The following STRN variants were observed in gnomAD, a reference collection of about 807,000 sequenced individuals.
STRN encodes the protein protein phosphatase 2 regulatory subunit B'''alpha.
In STRN, 53 loss-of-function variants were observed where a neutral mutation model predicts 96.3. The ratio of observed to expected loss-of-function variants is 0.55; its 90% CI spans 0.44 to 0.69. The LOEUF is 0.69. STRN is among the 30% of genes least tolerant of loss of function. The pLI is 0.00. For synonymous variants in STRN, 428 were observed against 355.9 expected, an observed-to-expected ratio of 1.20 and a Z score of -2.28; for missense variants, 987 against 963.9, an observed-to-expected ratio of 1.02 and a Z score of -0.32.
rs1667946345 is a variant in STRN, at chr2:36,841,335, A to G, written c.*8121T>C. 1 of 152,154 alleles carries G rather than the reference A, an allele frequency of 6.6e-6. No individual in the cohort carries two copies. The highest frequency in any genetic ancestry group is 1.5e-5 in the Non-Finnish European group (1 of 68,032). The allele number at this position is 152,154 out of a possible 1,614,324, so 9.4% of individuals were successfully genotyped here. ...AACTGAACAAATACCAGGCAGCAAA[A>G]TACTGAGACATTTACCACATAAGAA... On this transcript the variant is annotated 3_prime_UTR_variant, in exon 18 of 18. Transcript: ENST00000263918.
At chr2:36,955,563 C>G (rs1048147820) in intron 1 of STRN, among the ~76,000 whole-genome samples, 10 of 152,188 alleles carry the variant, frequency 6.6e-5, no homozygotes, top group African/African-American at 2.2e-4. Context: ...CCCCTCTCCT[C>G]CCTTCTTCTG....
intron 2 of STRN, among the ~76,000 whole-genome samples, chr2:36,920,094 G>A (rs1200326149): frequency 4.0e-5 from 6 of 151,470 alleles, no homozygotes; most frequent in Non-Finnish European, 8.8e-5. Flanking sequence ...TGAATTACAA[G>A]GTATCTGGAA....
chr2:36,863,926 T>C (rs989103824), intron 12 of STRN, among the ~76,000 whole-genome samples: 1 of 152,228 alleles, frequency 6.6e-6, no homozygotes, highest in African/African-American at 2.4e-5. Flanking sequence ...CTACTGTAAA[T>C]GAGACTGCAT....
At chr2:36,883,535 C>T (rs925587090) in intron 9 of STRN, among the ~76,000 whole-genome samples, 1 of 152,150 alleles carries the variant, frequency 6.6e-6, no homozygotes, top group Non-Finnish European at 1.5e-5. Flanking sequence ...TGTGACTAGA[C>T]TTTTAGGTGA....
At chr2:36,941,001 A>G (rs1329924532) in intron 1 of STRN, among the ~76,000 whole-genome samples, 1 of 152,150 alleles carries the variant, frequency 6.6e-6, no homozygotes, top group African/African-American at 2.4e-5. Flanking sequence ...AAAAATACAA[A>G]AATTAGCTGA....
chr2:36,899,975 G>A (rs763184197), intron 5 of STRN, among the ~76,000 whole-genome samples: 11 of 152,034 alleles, frequency 7.2e-5, no homozygotes, highest in East Asian at 3.9e-4. Context: ...TCCAGTCTCC[G>A]CCTCCCAGGT....
chr2:36,879,063 T>C (rs997948769), intron 9 of STRN, among the ~76,000 whole-genome samples: 21 of 150,762 alleles, frequency 1.4e-4, no homozygotes, highest in African/African-American at 4.9e-4. Flanking sequence ...AAGAAAATGT[T>C]TTGTTTATTT....
chr2:36,953,617 T>C (rs1204841404), intron 1 of STRN, among the ~76,000 whole-genome samples: 1 of 152,172 alleles, frequency 6.6e-6, no homozygotes, highest in Non-Finnish European at 1.5e-5. Flanking sequence ...TTAGCCAGGA[T>C]GGTCTCGATC....
At chr2:36,873,844 G>C (rs1370113235) in intron 10 of STRN, among the ~76,000 whole-genome samples, 1 of 151,718 alleles carries the variant, frequency 6.6e-6, no homozygotes, top group Non-Finnish European at 1.5e-5. Flanking sequence ...CCGAGAGGCT[G>C]AGGCAGGAGA....
At chr2:36,956,100 C>T (rs1169382421) in intron 1 of STRN, among the ~76,000 whole-genome samples, 1 of 152,112 alleles carries the variant, frequency 6.6e-6, no homozygotes, top group Non-Finnish European at 1.5e-5. Context: ...ATTAGGGATG[C>T]TCAACCTGTA....
At chr2:36,944,933 T>C (rs932656620) in intron 1 of STRN, among the ~76,000 whole-genome samples, 1 of 152,194 alleles carries the variant, frequency 6.6e-6, no homozygotes, top group Non-Finnish European at 1.5e-5. Context: ...CAATATGGGA[T>C]CACATACTGC....
Position 36,953,078 on chromosome 2 carries a change from A to G in STRN, c.234+13152T>C, listed in dbSNP as rs564277368. Among the ~76,000 whole-genome samples the G allele has an allele frequency of 7.2e-5, 11 of 152,330 alleles. No homozygotes were observed. In the South Asian group the frequency reaches 1.9e-3, roughly 26 times the overall value. On this transcript the variant is annotated intron_variant, in intron 1 of 17. Transcript: ENST00000263918. ...CAGTATTGGATCTGATTTCTCTCAC[A>G]TTCAAATGAATGCTAATGAAACCTG...
chr2:36,964,164 G>C (rs1665095597), intron 1 of STRN, among the ~76,000 whole-genome samples: 1 of 135,182 alleles, frequency 7.4e-6, no homozygotes, highest in African/African-American at 2.9e-5. Flanking sequence ...TAAACGAGGA[G>C]AGGGAGTGAA....
chr2:36,896,368 CA>C (rs1207275224), intron 6 of STRN, among the ~76,000 whole-genome samples: 2 of 152,098 alleles, frequency 1.3e-5, no homozygotes, highest in East Asian at 3.9e-4. Context: ...ATAAATAAAC[CA>C]AAAGTCCTCT....
At chr2:36,901,638 A>T (rs1217149503) in intron 5 of STRN, among the ~76,000 whole-genome samples, 1 of 152,148 alleles carries the variant, frequency 6.6e-6, no homozygotes, top group Non-Finnish European at 1.5e-5. Flanking sequence ...AACTAAAGAT[A>T]ATGTCCACAC....
chr2:36,891,583 T>G (rs1310501776), intron 7 of STRN, among the ~76,000 whole-genome samples: 1 of 152,176 alleles, frequency 6.6e-6, no homozygotes, highest in East Asian at 1.9e-4. Context: ...AAGGCGGGGT[T>G]GAGTCTACTT....
Position 36,872,282 on chromosome 2 carries a change from C to T in STRN, c.1324-2553G>A, listed in dbSNP as rs1373022119. Among the ~76,000 whole-genome samples the T allele has an allele frequency of 2.0e-5, 3 of 152,234 alleles. No homozygotes were observed. In the East Asian group the frequency reaches 5.8e-4, roughly 29 times the overall value. On this transcript the variant is annotated intron_variant, in intron 10 of 17. Coordinates refer to ENST00000263918, the MANE Select transcript of STRN (RefSeq NM_003162.4). Reference sequence around the variant, plus strand: ...ACACTGGGGGGAGCCAGCTGCCATGCTGAAAAGCCCATGGAGAGACCTATG... The same window carrying T: ...ACACTGGGGGGAGCCAGCTGCCATGTTGAAAAGCCCATGGAGAGACCTATG...
At position 36,846,805 on chromosome 2, in the gene STRN, GT is replaced by G. The variant is rs1163369234; in HGVS notation, c.*2650del. The G allele has an allele frequency of 6.6e-6, 1 of 152,066 alleles. No homozygotes were observed. 9.4% of individuals were successfully genotyped at this position (152,066 alleles called of 1,614,324 possible). On this transcript the variant is annotated 3_prime_UTR_variant, in exon 18 of 18. Coordinates refer to ENST00000263918, the MANE Select transcript of STRN (RefSeq NM_003162.4). ...CAAATGAGCTCCATATGACAGTTGA[GT>G]TTTGAGAAGGGTGCTGCAAGCTCCC...
intron 2 of STRN, among the ~76,000 whole-genome samples, chr2:36,917,044 TA>T (rs1249631668): frequency 1.3e-4 from 10 of 78,826 alleles, no homozygotes; most frequent in South Asian, 1.1e-3. Flanking sequence ...GAATGATCAA[TA>T]AAAAAATAAA....
Sources: allele counts gnomAD v4.1 joint callset (sites outside exome capture counted in the v4.1 genomes callset), GRCh38; gene constraint gnomAD v4.1.1; transcripts MANE v1.5; gene names NCBI Gene and HGNC (gene_info 2026-07-23, HGNC 2026-07-21).